The following CFAP61 variants were observed in gnomAD, a reference collection of about 807,000 sequenced individuals.
CFAP61 encodes cilia and flagella associated protein 61.
CFAP61 carries 107 observed loss-of-function variants against 135.6 expected under a neutral mutation model. The ratio of observed to expected loss-of-function variants is 0.79; its 90% CI spans 0.67 to 0.93. The LOEUF is 0.93. Among genes scored for constraint, CFAP61 ranks in the 40% least tolerant of loss-of-function variants. CFAP61 has a pLI of 0.00. For missense variants in CFAP61, 1,507 were observed against 1,556.2 expected, an observed-to-expected ratio of 0.97 and a Z score of 0.53; for synonymous variants, 575 against 578.5, an observed-to-expected ratio of 0.99 and a Z score of 0.09.
chr20:20,337,492 AGATGGGTG>A (rs1569310848), intron 25 of CFAP61, among the ~76,000 whole-genome samples: 2 of 36,158 alleles, frequency 5.5e-5, no homozygotes, highest in Non-Finnish European at 6.3e-5. Flanking sequence ...ATGGATGGAT[AGATGGGTG>A]GATGGATAAA....
intron 25 of CFAP61, among the ~76,000 whole-genome samples, chr20:20,301,369 G>C (rs931860766): frequency 3.3e-5 from 5 of 152,326 alleles, no homozygotes; most frequent in African/African-American, 9.6e-5. Flanking sequence ...TGTAGTAGTA[G>C]ACTAGACTAT....
intron 24 of CFAP61, among the ~76,000 whole-genome samples, chr20:20,295,090 C>T (rs564196723): frequency 6.6e-6 from 1 of 152,228 alleles, no homozygotes; most frequent in Admixed American, 6.5e-5. Flanking sequence ...ACTCTCACTG[C>T]TCTCAGCCTG....
intron 14 of CFAP61, among the ~76,000 whole-genome samples, chr20:20,190,266 T>C (rs2055826055): frequency 6.6e-6 from 1 of 152,244 alleles, no homozygotes; most frequent in African/African-American, 2.4e-5. Flanking sequence ...CATGGAATAC[T>C]ACTCAGCAGT....
chr20:20,326,767 C>T (rs2057763314), intron 25 of CFAP61, among the ~76,000 whole-genome samples: 1 of 152,048 alleles, frequency 6.6e-6, no homozygotes, highest in Non-Finnish European at 1.5e-5. Flanking sequence ...TATAAGTTGG[C>T]TTGATATCTT....
At chr20:20,109,513 C>G (rs554127854) in intron 8 of CFAP61, among the ~76,000 whole-genome samples, 1 of 152,260 alleles carries the variant, frequency 6.6e-6, no homozygotes, top group South Asian at 2.1e-4. Flanking sequence ...AATTGCTGTG[C>G]GTGGTCCATT....
intron 17 of CFAP61, among the ~76,000 whole-genome samples, chr20:20,203,153 A>G (rs951292286): frequency 2.0e-5 from 3 of 152,164 alleles, no homozygotes; most frequent in Non-Finnish European, 4.4e-5. Flanking sequence ...ATTAATTGAC[A>G]GCCTACCCCG....
chr20:20,327,733 G>T (rs1207815798), intron 25 of CFAP61, among the ~76,000 whole-genome samples: 1 of 94,722 alleles, frequency 1.1e-5, no homozygotes, highest in Non-Finnish European at 2.0e-5. Flanking sequence ...TTTCCTGGAA[G>T]AAAAGAAATG....
At chr20:20,273,691 A>G (rs2424311) in intron 21 of CFAP61, among the ~76,000 whole-genome samples, 1,676 of 152,360 alleles carry the variant, frequency 0.011, 14 homozygotes, top group Non-Finnish European at 0.018. Context: ...CAGGGATAAC[A>G]TGATGGGTAG....
In CFAP61 at chr20:20,360,637, C is replaced by G; in HGVS notation, c.*227C>G. 1.8e-6 allele frequency: 1 copy of G among 570,154 alleles called. No homozygotes were observed. Among genetic ancestry groups the G allele is most frequent in the Non-Finnish European group, 3.1e-6 (1 of 322,864 alleles). The allele number at this position is 570,154 out of a possible 1,614,324, so 35.3% of individuals were successfully genotyped here. ...TGGGGCAGGCTCGCTTTACAAATCC[C>G]AGGCATGTTCCTGTGCAGAATAATC... On this transcript the variant is annotated 3_prime_UTR_variant, in exon 27 of 27. Coordinates refer to ENST00000245957, the MANE Select transcript of CFAP61 (RefSeq NM_015585.4).
chr20:20,175,177 AG>A (rs2054519026), intron 13 of CFAP61, among the ~76,000 whole-genome samples: 1 of 152,230 alleles, frequency 6.6e-6, no homozygotes, highest in Non-Finnish European at 1.5e-5. Flanking sequence ...GAAGGCCATC[AG>A]GGTGGGCTGG....
intron 24 of CFAP61, among the ~76,000 whole-genome samples, chr20:20,290,669 A>G (rs1461636301): frequency 1.3e-5 from 2 of 152,232 alleles, no homozygotes; most frequent in Non-Finnish European, 2.9e-5. Flanking sequence ...AGGTCAAGAA[A>G]GATACGACAG....
intron 25 of CFAP61, among the ~76,000 whole-genome samples, chr20:20,317,676 C>T (rs761552291): frequency 3.9e-5 from 6 of 152,144 alleles, no homozygotes; most frequent in African/African-American, 7.2e-5. Flanking sequence ...TTGGCCCCAG[C>T]GGCTCTGACA....
At chr20:20,224,622 G>A (rs1569156034) in intron 17 of CFAP61, among the ~76,000 whole-genome samples, 3 of 152,084 alleles carry the variant, frequency 2.0e-5, no homozygotes, top group East Asian at 3.9e-4. Flanking sequence ...ACCGGGAGGC[G>A]GAGGTTGCAG....
chr20:20,210,501 G>A (rs2047553747), intron 17 of CFAP61, among the ~76,000 whole-genome samples: 1 of 152,194 alleles, frequency 6.6e-6, no homozygotes, highest in Non-Finnish European at 1.5e-5. Context: ...CAAAGGCCTG[G>A]TGTCCCCTGG....
intron 18 of CFAP61, among the ~76,000 whole-genome samples, chr20:20,245,789 A>C (rs1472370875): frequency 1.3e-5 from 2 of 152,234 alleles, no homozygotes; most frequent in African/African-American, 4.8e-5. Flanking sequence ...GTTTATTATT[A>C]ATAGAAGTAG....
intron 8 of CFAP61, among the ~76,000 whole-genome samples, chr20:20,114,437 A>G (rs1363420732): frequency 6.6e-6 from 1 of 152,184 alleles, no homozygotes; most frequent in Non-Finnish European, 1.5e-5. Flanking sequence ...AGGATAATTA[A>G]GTGTCTTAGT....
At chr20:20,245,797 T>G (rs964247164) in intron 18 of CFAP61, among the ~76,000 whole-genome samples, 4 of 152,216 alleles carry the variant, frequency 2.6e-5, no homozygotes, top group African/African-American at 9.6e-5. Flanking sequence ...TTAATAGAAG[T>G]AGTCTAAAAT....
chr20:20,335,115 ACT>A (rs1278264112), intron 25 of CFAP61, among the ~76,000 whole-genome samples: 1 of 152,132 alleles, frequency 6.6e-6, no homozygotes, highest in Non-Finnish European at 1.5e-5. Flanking sequence ...AACATGTAGG[ACT>A]CTGAGGATAC....
chr20:20,360,049 TG>T (rs2059417844), intron 26 of CFAP61, among the ~76,000 whole-genome samples, 160 bp from the exon 27 acceptor site: 1 of 152,198 alleles, frequency 6.6e-6, no homozygotes, highest in Non-Finnish European at 1.5e-5. Flanking sequence ...AGACATGTTG[TG>T]TATACTTTGC....
Sources: allele counts gnomAD v4.1 joint callset (sites outside exome capture counted in the v4.1 genomes callset), GRCh38; gene constraint gnomAD v4.1.1; transcripts MANE v1.5; gene names NCBI Gene and HGNC (gene_info 2026-07-23, HGNC 2026-07-21).